The following HECTD4 variants were observed in gnomAD, a reference collection of about 807,000 sequenced individuals.
The protein encoded by HECTD4 is probable E3 ubiquitin-protein ligase HECTD4.
In HECTD4, 114 loss-of-function variants were observed where a neutral mutation model predicts 471.5. The observed-to-expected ratio is 0.24, with a 90% CI of 0.21 to 0.28. The LOEUF (loss-of-function observed/expected upper bound fraction) is 0.28, where lower values mean the gene tolerates loss of function less well. HECTD4 is among the 10% of genes least tolerant of loss of function. HECTD4 has a pLI of 1.00. For missense variants in HECTD4, 3,866 were observed against 5,651.5 expected, an observed-to-expected ratio of 0.68 and a Z score of 10.13; for synonymous variants, 2,012 against 2,256.0, an observed-to-expected ratio of 0.89 and a Z score of 3.07.
chr12:112,164,674 G>A (rs1407868667), intron 72 of HECTD4, among the ~76,000 whole-genome samples: 4 of 151,500 alleles, frequency 2.6e-5, no homozygotes, highest in African/African-American at 7.3e-5. Context: ...AGGCTGGAGT[G>A]CAATGGCGCA....
Position 112,235,661 on chromosome 12 carries a change from C to A in HECTD4, c.5568G>T (p.Ala1856=). ...VLIILQLCRA[A]LPLMSVEDCG... is the part of the protein sequence containing the mutation. ...AGTCTTCTACGCTCATCAGGGGCAG[C>A]GCCGCCCGGCACAGCTGGAGAATAA... The change falls in exon 36 of 76, where the codon GCG becomes GCT. Residue 1856 remains alanine, a synonymous_variant. Transcript: ENST00000682272. This position sits in a 1 kb window ranked among gnomAD's most constrained non-coding sequence, Gnocchi z 5.0. 6.2e-7 allele frequency: 1 copy of A among 1,614,004 alleles called. No homozygotes were observed. The highest frequency in any genetic ancestry group is 1.6e-4 in the Middle Eastern group (1 of 6,062).
At chr12:112,309,527 A>T in intron 5 of HECTD4, 34 bp downstream of exon 5, 1 of 897,722 alleles carries the variant, frequency 1.1e-6, no homozygotes, top group Non-Finnish European at 1.8e-6. Context: ...ATAATGTTCT[A>T]GCCCAATCAT....
At chr12:112,353,487 G>A (rs2036281901) in intron 1 of HECTD4, among the ~76,000 whole-genome samples, 1 of 152,132 alleles carries the variant, frequency 6.6e-6, no homozygotes, top group South Asian at 2.1e-4. Context: ...GTAAAATGTG[G>A]CTCTTTCCTG....
At chr12:112,224,064 T>C (rs1051927756) in intron 44 of HECTD4, among the ~76,000 whole-genome samples, 1 of 152,164 alleles carries the variant, frequency 6.6e-6, no homozygotes, top group Admixed American at 6.5e-5. Context: ...TTGAATCTTA[T>C]TTATTAAACA....
intron 12 of HECTD4, 47 bp from the exon 13 acceptor site, chr12:112,269,896 G>C: frequency 6.6e-7 from 1 of 1,523,478 alleles, no homozygotes; most frequent in Non-Finnish European, 9.1e-7. Context: ...TTCTACTGGG[G>C]ATAAAATTAT....
intron 20 of HECTD4, 116 bp from the exon 21 acceptor site, chr12:112,256,634 TTAAA>T (rs2034015473): frequency 1.8e-6 from 1 of 545,892 alleles, no homozygotes; most frequent in Non-Finnish European, 2.8e-6. Flanking sequence ...ACTGAGGCTT[TTAAA>T]TGCTTGATAT....
Position 112,239,313 on chromosome 12 carries a change from G to C in HECTD4, c.5106-77C>G. The C allele has an allele frequency of 7.6e-7, 1 of 1,320,976 alleles. No individual in the cohort carries two copies. Among genetic ancestry groups the C allele is most frequent in the Non-Finnish European group, 1.0e-6 (1 of 972,002 alleles). The allele number at this position is 1,320,976 out of a possible 1,614,324, so 81.8% of individuals were successfully genotyped here. On this transcript the variant is annotated intron_variant, in intron 33 of 75. Transcript: ENST00000682272. This position sits in a 1 kb window ranked among gnomAD's most constrained non-coding sequence, Gnocchi z 4.9. ...GGAAACTCTCATGTGAGGTTCAAAGGGGCATAAAACATGCTGGTGCAGCTC... is the reference window on the plus strand; with the variant it reads ...GGAAACTCTCATGTGAGGTTCAAAGCGGCATAAAACATGCTGGTGCAGCTC...
chr12:112,253,674 A>G (rs552569496), intron 22 of HECTD4, among the ~76,000 whole-genome samples: 1 of 152,332 alleles, frequency 6.6e-6, no homozygotes, highest in South Asian at 2.1e-4. Context: ...ATTCATCTGA[A>G]CACATTAACT....
At chr12:112,164,537 G>A (rs2030846546) in intron 72 of HECTD4, among the ~76,000 whole-genome samples, 1 of 152,100 alleles carries the variant, frequency 6.6e-6, no homozygotes. Context: ...CACTGGCATG[G>A]ACCGACTATG....
In HECTD4 at chr12:112,167,414, G is replaced by C. The variant is rs897896531; in HGVS notation, c.12437C>G (p.Ser4146Cys). 6.2e-7 allele frequency: 1 copy of C among 1,613,750 alleles called. No individual in the cohort carries two copies. Among genetic ancestry groups the C allele is most frequent in the African/African-American group, 1.3e-5 (1 of 74,946 alleles). Residue 4146 changes from serine (S) to cysteine (C), a missense_variant, in exon 72 of 76, where the codon TCC becomes TGC. Around this residue, in one of 16 missense-constraint regions of HECTD4, gnomAD observed 715 missense variants for 1,087.6 expected, o/e 0.66. Transcript: ENST00000682272. Reference sequence around the variant, plus strand: ...CTCGCCCACCAGCGTCTTCCAGAAGGAGGGCAGGAGGTCCAGGGGCAGCGG... The same window carrying C: ...CTCGCCCACCAGCGTCTTCCAGAAGCAGGGCAGGAGGTCCAGGGGCAGCGG... ...DVPLPLDLLP[S>C]FWKTLVGEPL... is the part of the protein sequence containing the mutation.
At chr12:112,172,607 C>T in intron 67 of HECTD4, 64 bp downstream of exon 67, 2 of 1,504,314 alleles carry the variant, frequency 1.3e-6, no homozygotes, top group Admixed American at 1.7e-5. Flanking sequence ...CTTGTAAATG[C>T]CCCTTGTCAT....
At chr12:112,249,784 G>A (rs2033838631) in intron 25 of HECTD4, 3 of 257,674 alleles carry the variant, frequency 1.2e-5, no homozygotes, top group South Asian at 5.0e-5. Flanking sequence ...GCTAGTAGAA[G>A]GTCAAAATAC....
Position 112,308,734 on chromosome 12 carries a change from G to T in HECTD4, c.1164+19C>A, listed in dbSNP as rs990848041. Reference sequence around the variant, plus strand: ...TGCCTCTAAAATATGTTTTAAAAATGCCTTGGTTTTCTGTTTACCTGAAGG... The same window carrying T: ...TGCCTCTAAAATATGTTTTAAAAATTCCTTGGTTTTCTGTTTACCTGAAGG... On this transcript the variant is annotated intron_variant, in intron 6 of 75. Coordinates refer to ENST00000682272, the MANE Select transcript of HECTD4 (RefSeq NM_001388303.1). 5.9e-6 allele frequency: 9 copies of T among 1,521,998 alleles called. No individual in the cohort carries two copies. In the African/African-American group the frequency reaches 8.3e-5, roughly 14 times the overall value. 94.3% of individuals were successfully genotyped at this position (1,521,998 alleles called of 1,614,324 possible).
intron 48 of HECTD4, among the ~76,000 whole-genome samples, chr12:112,215,173 A>G (rs1169560126): frequency 6.6e-6 from 1 of 152,104 alleles, no homozygotes; most frequent in East Asian, 1.9e-4. Flanking sequence ...ACAAACAAAC[A>G]AAAAACACAA....
Position 112,163,002 on chromosome 12 carries a change from G to C in HECTD4, c.13120+40C>G. 1 of 1,447,892 alleles carries C rather than the reference G, an allele frequency of 6.9e-7. No homozygotes were observed. Among genetic ancestry groups the C allele is most frequent in the African/African-American group, 1.4e-5 (1 of 72,116 alleles). 89.7% of individuals were successfully genotyped at this position (1,447,892 alleles called of 1,614,324 possible). A position where few individuals can be genotyped will look rare whatever the true frequency, so the allele number is the denominator to read the frequency against. On this transcript the variant is annotated intron_variant, in intron 75 of 75. Coordinates refer to ENST00000682272, the MANE Select transcript of HECTD4 (RefSeq NM_001388303.1). The surrounding 1 kb of genome is among the most constrained non-coding windows in gnomAD (Gnocchi z 8.2). ...CCCAGTTCCAAACAGAGAAAGGCTA[G>C]TGTGTCCCTACTTGGGACATGGCCA...
At chr12:112,185,527 A>G (rs370144351) in intron 60 of HECTD4, 34 bp from the exon 61 acceptor site, 25 of 1,473,086 alleles carry the variant, frequency 1.7e-5, no homozygotes, top group Middle Eastern at 1.8e-4. Flanking sequence ...AGTAATTACT[A>G]TGCAGCACTG....
At chr12:112,232,960 A>G in intron 38 of HECTD4, 44 bp downstream of exon 38, 1 of 1,471,628 alleles carries the variant, frequency 6.8e-7, no homozygotes, top group Non-Finnish European at 9.4e-7. Context: ...CATGACAAAT[A>G]CTCTACAATT....
chr12:112,330,861 A>G (rs1594050729), intron 1 of HECTD4, among the ~76,000 whole-genome samples: 1 of 152,306 alleles, frequency 6.6e-6, no homozygotes, highest in Middle Eastern at 3.4e-3. Context: ...CTTCCACATA[A>G]GAACCTTTTA....
intron 32 of HECTD4, 22 bp from the exon 33 acceptor site, chr12:112,240,049 T>C (rs752230984): frequency 6.2e-7 from 1 of 1,612,418 alleles, no homozygotes. Context: ...AAACCAAAGC[T>C]CAGGCTTCCT....
Sources: gnomAD v4.1 joint callset for allele counts (sites outside exome capture counted in the v4.1 genomes callset) on GRCh38, gnomAD v4.1.1 for gene constraint, gnomAD v4.1.1 regional missense constraint, Gnocchi (gnomAD v3.1) non-coding constraint, MANE v1.5 for transcripts, NCBI Gene and HGNC (gene_info 2026-07-23, HGNC 2026-07-21) for gene names.